Variants in RCL1 observed in about 807,000 individuals in gnomAD.
The protein encoded by RCL1 is RNA terminal phosphate cyclase like 1.
In RCL1, 24 loss-of-function variants were observed where a neutral mutation model predicts 42.4. The ratio of observed to expected loss-of-function variants is 0.57; its 90% CI spans 0.41 to 0.80. RCL1 has a LOEUF of 0.80. Among genes scored for constraint, RCL1 ranks in the 30% least tolerant of loss-of-function variants. The pLI is 0.00. For synonymous variants in RCL1, 228 were observed against 177.3 expected (o/e 1.29, Z -2.27); for missense variants, 578 against 467.9 (o/e 1.24, Z -2.17).
intron 1 of RCL1, among the ~76,000 whole-genome samples, chr9:4,823,303 T>A (rs958362133): frequency 2.1e-3 from 220 of 106,532 alleles, no homozygotes; most frequent in African/African-American, 6.8e-3. Flanking sequence ...TTTTTTTTTT[T>A]ACAATGTGAA....
chr9:4,818,883 A>AT (rs1816488577), intron 1 of RCL1, among the ~76,000 whole-genome samples: 1 of 151,976 alleles, frequency 6.6e-6, no homozygotes, highest in Non-Finnish European at 1.5e-5. Flanking sequence ...AAAAAAAAAA[A>AT]AAAAAGAAAA....
At chr9:4,793,319 G>A in intron 1 of RCL1, 92 bp downstream of exon 1, 1 of 1,375,262 alleles carries the variant, frequency 7.3e-7, no homozygotes, top group Non-Finnish European at 9.6e-7. Flanking sequence ...TTGGTTGGGC[G>A]GCTCGGCGTC....
chr9:4,818,804 G>A (rs188958630), intron 1 of RCL1, among the ~76,000 whole-genome samples: 6 of 151,584 alleles, frequency 4.0e-5, no homozygotes, highest in African/African-American at 7.3e-5. Context: ...CCCTGGAGGC[G>A]GAGGTTGTAG....
intron 8 of RCL1, among the ~76,000 whole-genome samples, chr9:4,851,763 C>T (rs1215462854): frequency 6.6e-6 from 1 of 150,384 alleles, no homozygotes; most frequent in Non-Finnish European, 1.5e-5. Flanking sequence ...TTTCTTCAAG[C>T]AGTTTGGACC....
chr9:4,809,303 T>C (rs1378398148), intron 1 of RCL1, among the ~76,000 whole-genome samples: 1 of 152,036 alleles, frequency 6.6e-6, no homozygotes, highest in Non-Finnish European at 1.5e-5. Context: ...GGCTAGAGAC[T>C]CCTTTTTTTT....
intron 5 of RCL1, among the ~76,000 whole-genome samples, chr9:4,837,441 G>A (rs1012918474): frequency 6.6e-6 from 1 of 152,082 alleles, no homozygotes; most frequent in African/African-American, 2.4e-5. Context: ...TTTGTCTGGG[G>A]GGTAGTTGTT....
At position 4,860,369 on chromosome 9, in the gene RCL1, C is replaced by G; in HGVS notation, c.*94C>G. On this transcript the variant is annotated 3_prime_UTR_variant, in exon 9 of 9. Coordinates refer to ENST00000381750, the MANE Select transcript of RCL1 (RefSeq NM_005772.5). ...CAAGTCCAAATGGATTAATCCAGGACAGAATAGCCACTTGCTTAATTTTCT... is the reference window on the plus strand; with the variant it reads ...CAAGTCCAAATGGATTAATCCAGGAGAGAATAGCCACTTGCTTAATTTTCT... The G allele has an allele frequency of 7.9e-7, 1 of 1,273,228 alleles. No individual in the cohort carries two copies. Among genetic ancestry groups the G allele is most frequent in the Non-Finnish European group, 1.1e-6 (1 of 930,102 alleles). The allele number at this position is 1,273,228 out of a possible 1,614,324, so 78.9% of individuals were successfully genotyped here. A position where few individuals can be genotyped will look rare whatever the true frequency, so the allele number is the denominator to read the frequency against.
intron 1 of RCL1, among the ~76,000 whole-genome samples, chr9:4,814,338 C>T (rs927205737): frequency 1.3e-5 from 2 of 151,948 alleles, no homozygotes; most frequent in African/African-American, 4.8e-5. Context: ...CGCTGAAGTG[C>T]AGTGATACAA....
chr9:4,799,184 G>C (rs1185524377), intron 1 of RCL1, among the ~76,000 whole-genome samples: 1 of 150,400 alleles, frequency 6.6e-6, no homozygotes, highest in Non-Finnish European at 1.5e-5. Context: ...ATGTTGATCA[G>C]AGTGATCTCA....
intron 3 of RCL1, among the ~76,000 whole-genome samples, chr9:4,830,837 T>G (rs1173808978): frequency 6.6e-6 from 1 of 152,210 alleles, no homozygotes; most frequent in African/African-American, 2.4e-5. Flanking sequence ...TACCTTTTGA[T>G]TGATTGACTG....
At chr9:4,804,146 A>G (rs1236465471) in intron 1 of RCL1, 1 of 152,654 alleles carries the variant, frequency 6.6e-6, no homozygotes, top group Non-Finnish European at 1.5e-5. Flanking sequence ...TCGGGCAGGA[A>G]GAGTGGGAAG....
At chr9:4,831,225 C>G (rs961015467) in intron 3 of RCL1, among the ~76,000 whole-genome samples, 1 of 152,196 alleles carries the variant, frequency 6.6e-6, no homozygotes, top group Non-Finnish European at 1.5e-5. Context: ...CCTTGGGCTT[C>G]TTGCTGAACT....
At chr9:4,811,897 G>A (rs1244678083) in intron 1 of RCL1, among the ~76,000 whole-genome samples, 2 of 151,638 alleles carry the variant, frequency 1.3e-5, no homozygotes, top group African/African-American at 4.9e-5. Context: ...CATTCTAACT[G>A]GGGTGAGATG....
At chr9:4,821,126 G>A (rs537767473) in intron 1 of RCL1, among the ~76,000 whole-genome samples, 7 of 152,208 alleles carry the variant, frequency 4.6e-5, no homozygotes, top group Non-Finnish European at 1.0e-4. Context: ...GTGTGGCTAA[G>A]AGTGTGGAAC....
At chr9:4,823,306 A>G (rs1438427082) in intron 1 of RCL1, among the ~76,000 whole-genome samples, 2 of 137,750 alleles carry the variant, frequency 1.5e-5, no homozygotes, top group African/African-American at 2.7e-5. Context: ...TTTTTTTTAC[A>G]ATGTGAAAGC....
chr9:4,798,591 C>A (rs1398539682), intron 1 of RCL1, among the ~76,000 whole-genome samples: 1 of 152,210 alleles, frequency 6.6e-6, no homozygotes, highest in South Asian at 2.1e-4. Flanking sequence ...CAAAGAGGTC[C>A]TTTGAAAGGT....
chr9:4,813,973 G>A (rs527910959), intron 1 of RCL1, among the ~76,000 whole-genome samples: 3 of 152,190 alleles, frequency 2.0e-5, no homozygotes, highest in South Asian at 4.2e-4. Context: ...TCACTCATAG[G>A]TGGGAATTGA....
At chr9:4,816,839 T>C (rs1011786951) in intron 1 of RCL1, among the ~76,000 whole-genome samples, 2 of 152,142 alleles carry the variant, frequency 1.3e-5, no homozygotes, top group African/African-American at 2.4e-5. Flanking sequence ...TTTTTTGAGA[T>C]GGAGTCTCGC....
intron 6 of RCL1, among the ~76,000 whole-genome samples, chr9:4,844,281 A>T (rs2129680211): frequency 6.6e-6 from 1 of 152,254 alleles, no homozygotes. Flanking sequence ...CTTAACAGTC[A>T]TTGGGAAAGT....
Sources: gnomAD v4.1 joint callset for allele counts (sites outside exome capture counted in the v4.1 genomes callset) on GRCh38, gnomAD v4.1.1 for gene constraint, MANE v1.5 for transcripts, NCBI Gene and HGNC (gene_info 2026-07-23, HGNC 2026-07-21) for gene names.